Variants in ASTN2 observed in about 807,000 individuals in gnomAD.
ASTN2 encodes the protein astrotactin 2.
Under a neutral mutation model 139.8 loss-of-function variants are expected in ASTN2, and 54 were observed. The observed-to-expected ratio is 0.39, with a 90% CI of 0.31 to 0.48. ASTN2 has a LOEUF of 0.48. ASTN2 is among the 20% of genes least tolerant of loss of function. The pLI is 0.95. For missense variants in ASTN2, 1,565 were observed against 1,725.1 expected (o/e 0.91, Z 1.64); for synonymous variants, 756 against 719.5 (o/e 1.05, Z -0.81).
At chr9:117,377,275 G>A in intron 1 of ASTN2, among the ~76,000 whole-genome samples, 1 of 152,062 alleles carries the variant, frequency 6.6e-6, no homozygotes, top group Admixed American at 6.5e-5. Flanking sequence ...TAGGGCAGGA[G>A]GTTAACCAAG....
intron 16 of ASTN2, among the ~76,000 whole-genome samples, chr9:116,669,326 T>C (rs905805810): frequency 3.3e-5 from 5 of 152,208 alleles, no homozygotes; most frequent in Admixed American, 2.6e-4. Context: ...AGCCCTGCTC[T>C]ACAGAGCGCA....
intron 1 of ASTN2, among the ~76,000 whole-genome samples, chr9:117,309,434 C>T (rs1443715738): frequency 6.6e-6 from 1 of 152,204 alleles, no homozygotes; most frequent in East Asian, 1.9e-4. Context: ...AGCCTTCTGA[C>T]CCCTAAGATC....
intron 19 of ASTN2, among the ~76,000 whole-genome samples, chr9:116,514,349 C>T (rs963848710): frequency 7.3e-5 from 11 of 150,942 alleles, no homozygotes; most frequent in Non-Finnish European, 1.0e-4. Context: ...GCGGCCTGAT[C>T]GTTCCTCTGG....
chr9:117,186,880 T>C (rs1048978013), intron 3 of ASTN2, among the ~76,000 whole-genome samples: 7 of 152,008 alleles, frequency 4.6e-5, no homozygotes, highest in South Asian at 4.2e-4. Context: ...CCTGTAATCC[T>C]AGCACTTTGG....
At chr9:117,327,331 A>T (rs1828551468) in intron 1 of ASTN2, among the ~76,000 whole-genome samples, 1 of 152,202 alleles carries the variant, frequency 6.6e-6, no homozygotes, top group Admixed American at 6.5e-5. Flanking sequence ...CTTCCTTATC[A>T]GTCCCCATGA....
At chr9:117,373,472 T>C (rs1431749312) in intron 1 of ASTN2, among the ~76,000 whole-genome samples, 6 of 152,186 alleles carry the variant, frequency 3.9e-5, no homozygotes, top group Admixed American at 1.3e-4. Flanking sequence ...TCCATTGTAG[T>C]AGAAAACTTC....
At chr9:116,475,491 T>C (rs1254083256) in intron 20 of ASTN2, among the ~76,000 whole-genome samples, 1 of 151,924 alleles carries the variant, frequency 6.6e-6, no homozygotes, top group Non-Finnish European at 1.5e-5. Context: ...TGATCCAAAA[T>C]CAATCTGCCT....
At chr9:116,439,432 C>T (rs1847773509) in intron 22 of ASTN2, among the ~76,000 whole-genome samples, 1 of 139,522 alleles carries the variant, frequency 7.2e-6, no homozygotes, top group Admixed American at 6.8e-5. Flanking sequence ...GATCTCCTGA[C>T]CTCGTGATCC....
chr9:116,501,333 T>C (rs996309338), intron 19 of ASTN2, among the ~76,000 whole-genome samples: 3 of 152,240 alleles, frequency 2.0e-5, no homozygotes, highest in African/African-American at 7.2e-5. Context: ...CCATGGTGTA[T>C]ATGTGCCACA....
chr9:117,171,636 C>A (rs1005357194), intron 3 of ASTN2, among the ~76,000 whole-genome samples: 19 of 152,010 alleles, frequency 1.2e-4, no homozygotes, highest in Non-Finnish European at 2.5e-4. Flanking sequence ...TGAGTGAGAT[C>A]TCATGAGATC....
At chr9:117,141,191 G>T in intron 4 of ASTN2, 135 bp downstream of exon 4, 2 of 961,506 alleles carry the variant, frequency 2.1e-6, no homozygotes, top group Non-Finnish European at 2.8e-6. Context: ...CCTCCAAGGG[G>T]ATTTATCAGG....
chr9:117,204,854 T>C (rs1178449157), intron 3 of ASTN2, among the ~76,000 whole-genome samples: 5 of 152,084 alleles, frequency 3.3e-5, no homozygotes, highest in African/African-American at 1.2e-4. Context: ...CTAAAATATA[T>C]AGGAAGATGT....
At chr9:116,818,053 TTA>T (rs753102395) in intron 12 of ASTN2, among the ~76,000 whole-genome samples, 219 of 6,882 alleles carry the variant, frequency 0.032, 1 homozygote, top group African/African-American at 0.04. Flanking sequence ...TGTGCTTTTT[TTA>T]AAAAAAAAAA....
intron 20 of ASTN2, among the ~76,000 whole-genome samples, chr9:116,449,726 T>G (rs1848118269): frequency 6.6e-6 from 1 of 152,152 alleles, no homozygotes; most frequent in African/African-American, 2.4e-5. Flanking sequence ...ACCACCTTGC[T>G]TACTGAAACA....
intron 16 of ASTN2, among the ~76,000 whole-genome samples, chr9:116,720,723 A>G (rs1448548768): frequency 1.3e-5 from 2 of 152,198 alleles, no homozygotes; most frequent in Non-Finnish European, 2.9e-5. Context: ...GCAATTAAAA[A>G]TTCAAAAAAC....
chr9:117,039,805 T>C lies in ASTN2; in HGVS notation c.1423+14A>G, dbSNP rs374594854. ...CTGAGTGGGTGTGGAGCATCTGCAA[T>C]GCTCGGCTCTTACCATCTGCTATGA... On this transcript the variant is annotated intron_variant, in intron 6 of 22. Transcript: ENST00000313400. The C allele has an allele frequency of 1.2e-6, 2 of 1,611,060 alleles. No individual in the cohort carries two copies. Among genetic ancestry groups the C allele is most frequent in the Non-Finnish European group, 1.7e-6 (2 of 1,178,654 alleles).
chr9:116,584,581 T>A (rs1007311159), intron 19 of ASTN2: 1 of 152,070 alleles, frequency 6.6e-6, no homozygotes, highest in African/African-American at 2.4e-5. Flanking sequence ...CATAAAAAAA[T>A]ACAACTAGCA....
At chr9:116,726,176 C>G (rs1232487238) in intron 15 of ASTN2, among the ~76,000 whole-genome samples, 1 of 152,168 alleles carries the variant, frequency 6.6e-6, no homozygotes, top group East Asian at 1.9e-4. Flanking sequence ...AAGAGGGAAT[C>G]TGCAGGAGAA....
At position 117,039,974 on chromosome 9, in the gene ASTN2, A is replaced by G. The variant is rs1838505858; in HGVS notation, c.1277-9T>C. ...TGGGCTTTTCAGCAAACCTGGTAAC[A>G]AGAACATACACAAAGACACAAAATT... On this transcript the variant is annotated splice_polypyrimidine_tract_variant and intron_variant, in intron 5 of 22. Coordinates refer to ENST00000313400, the MANE Select transcript of ASTN2 (RefSeq NM_001365068.1). The G allele has an allele frequency of 6.2e-7, 1 of 1,607,610 alleles. No individual in the cohort carries two copies. The highest frequency in any genetic ancestry group is 8.5e-7 in the Non-Finnish European group (1 of 1,176,448).
Sources: gnomAD v4.1 joint callset for allele counts (sites outside exome capture counted in the v4.1 genomes callset) on GRCh38, gnomAD v4.1.1 for gene constraint, MANE v1.5 for transcripts, NCBI Gene and HGNC (gene_info 2026-07-23, HGNC 2026-07-21) for gene names.